The following KCNB2 variants were observed in gnomAD, a reference collection of about 807,000 sequenced individuals.
KCNB2 encodes delayed rectifier potassium channel protein.
Under a neutral mutation model 61.5 loss-of-function variants are expected in KCNB2, and 15 were observed. The ratio of observed to expected loss-of-function variants is 0.24; its 90% confidence interval spans 0.16 to 0.38. KCNB2 has a LOEUF of 0.38. Ranked by LOEUF, KCNB2 falls within the 10% of genes least tolerant of loss-of-function variation. The pLI is 1.00. For synonymous variants in KCNB2, 457 were observed against 446.0 expected (o/e 1.02, Z -0.31); for missense variants, 828 against 1,125.2 (o/e 0.74, Z 3.78).
chr8:72,732,213 A>G (rs1807756669), intron 2 of KCNB2: 1 of 152,212 alleles, frequency 6.6e-6, no homozygotes, highest in Admixed American at 6.5e-5. Context: ...ACAGTTGTCT[A>G]TTCAGAGGCA....
At chr8:72,897,925 C>T (rs1211128538) in intron 2 of KCNB2, among the ~76,000 whole-genome samples, 1 of 152,036 alleles carries the variant, frequency 6.6e-6, no homozygotes, top group Non-Finnish European at 1.5e-5. Flanking sequence ...TGTCACAGAC[C>T]CTCTTGGAGG....
intron 2 of KCNB2, among the ~76,000 whole-genome samples, chr8:72,639,965 G>A (rs1005514461): frequency 1.3e-5 from 2 of 151,712 alleles, no homozygotes; most frequent in African/African-American, 4.8e-5. Context: ...AGCAGAGAAG[G>A]GGGGACTGGG....
At chr8:72,773,647 T>C (rs538702505) in intron 2 of KCNB2, among the ~76,000 whole-genome samples, 2 of 152,344 alleles carry the variant, frequency 1.3e-5, no homozygotes, top group Admixed American at 6.5e-5. Context: ...CCCAAGCTGT[T>C]TTTGGCTGTA....
At chr8:72,669,393 C>G (rs1199129397) in intron 2 of KCNB2, among the ~76,000 whole-genome samples, 1 of 152,088 alleles carries the variant, frequency 6.6e-6, no homozygotes, top group Non-Finnish European at 1.5e-5. Context: ...ATATATTTAA[C>G]TAATGATGAC....
chr8:72,846,068 T>C (rs2129002968), intron 2 of KCNB2, among the ~76,000 whole-genome samples: 1 of 152,078 alleles, frequency 6.6e-6, no homozygotes, highest in African/African-American at 2.4e-5. Context: ...CCCAGGACCT[T>C]GGTGGTGTAG....
chr8:72,672,885 C>G (rs989510987), intron 2 of KCNB2, among the ~76,000 whole-genome samples: 1 of 152,078 alleles, frequency 6.6e-6, no homozygotes, highest in African/African-American at 2.4e-5. Context: ...TAAAAAGATC[C>G]AGAAAATAAC....
At chr8:72,834,927 C>A (rs1434287817) in intron 2 of KCNB2, among the ~76,000 whole-genome samples, 1 of 152,126 alleles carries the variant, frequency 6.6e-6, no homozygotes, top group African/African-American at 2.4e-5. Context: ...AATGATTTCT[C>A]CAAATAGTGC....
chr8:72,614,870 T>C (rs1388541095), intron 2 of KCNB2, among the ~76,000 whole-genome samples: 3 of 152,180 alleles, frequency 2.0e-5, no homozygotes, highest in Non-Finnish European at 4.4e-5. Context: ...AACCACACAA[T>C]GGCCCATGTG....
chr8:72,854,364 C>T (rs1423887343), intron 2 of KCNB2, among the ~76,000 whole-genome samples: 2 of 152,100 alleles, frequency 1.3e-5, no homozygotes, highest in East Asian at 3.9e-4. Flanking sequence ...TAAAATTTAG[C>T]TTTTGATGTT....
At chr8:72,574,607 T>TAGAAAAATC in intron 2 of KCNB2, among the ~76,000 whole-genome samples, 1 of 152,328 alleles carries the variant, frequency 6.6e-6, no homozygotes, top group Admixed American at 6.5e-5. Context: ...TCCATCTCTT[T>TAGAAAAATC]AGAAAAATCA....
intron 1 of KCNB2, among the ~76,000 whole-genome samples, chr8:72,539,014 T>G (rs1806154093): frequency 6.6e-6 from 1 of 152,206 alleles, no homozygotes; most frequent in African/African-American, 2.4e-5. Flanking sequence ...AGGGTAACAT[T>G]CTAAAGTTAC....
intron 2 of KCNB2, among the ~76,000 whole-genome samples, chr8:72,725,137 C>G (rs1406361138): frequency 5.3e-5 from 8 of 151,954 alleles, no homozygotes; most frequent in Non-Finnish European, 1.0e-4. Context: ...TAATTTTTCT[C>G]CCCCACCAGA....
chr8:72,567,661 T>A lies in KCNB2; in HGVS notation c.-74T>A. On this transcript the variant is annotated 5_prime_UTR_variant, in exon 2 of 3. Coordinates refer to ENST00000523207, the MANE Select transcript of KCNB2 (RefSeq NM_004770.3). The stretch of plus-strand genomic sequence containing the variant: ...TTCCAGCTTTGTCAGTGGAAATGCC[T>A]GCCCCAGAGGGATATTGCTTCAGTT... 2 of 984,186 alleles carry A rather than the reference T, an allele frequency of 2.0e-6. No homozygotes were observed. Among genetic ancestry groups the A allele is most frequent in the South Asian group, 1.8e-5 (1 of 54,590 alleles). The allele number at this position is 984,186 out of a possible 1,614,324, so 61.0% of individuals were successfully genotyped here. A position where few individuals can be genotyped will look rare whatever the true frequency, so the allele number is the denominator to read the frequency against.
chr8:72,778,611 T>C (rs2128997705), intron 2 of KCNB2, among the ~76,000 whole-genome samples: 1 of 150,716 alleles, frequency 6.6e-6, no homozygotes, highest in South Asian at 2.1e-4. Context: ...GGCATGCACC[T>C]ATAGTCCCAG....
At chr8:72,786,046 C>A (rs1313350253) in intron 2 of KCNB2, among the ~76,000 whole-genome samples, 2 of 145,668 alleles carry the variant, frequency 1.4e-5, no homozygotes, top group African/African-American at 5.0e-5. Context: ...GAGAAAAAAC[C>A]CAAAAACGAA....
At chr8:72,599,815 A>G (rs1162507753) in intron 2 of KCNB2, among the ~76,000 whole-genome samples, 1 of 152,236 alleles carries the variant, frequency 6.6e-6, no homozygotes, top group African/African-American at 2.4e-5. Flanking sequence ...TCAAAAGAAG[A>G]CATTTATGTA....
chr8:72,855,036 T>A (rs1339231691), intron 2 of KCNB2, among the ~76,000 whole-genome samples: 1 of 152,160 alleles, frequency 6.6e-6, no homozygotes, highest in Admixed American at 6.5e-5. Context: ...CCAACACCTT[T>A]CAGCACTATT....
chr8:72,603,362 C>A (rs1805389338), intron 2 of KCNB2, among the ~76,000 whole-genome samples: 1 of 152,310 alleles, frequency 6.6e-6, no homozygotes, highest in Admixed American at 6.5e-5. Context: ...TACTGTTTCC[C>A]AAATGCAACA....
chr8:72,719,385 A>G (rs1332041759), intron 2 of KCNB2, among the ~76,000 whole-genome samples: 2 of 152,170 alleles, frequency 1.3e-5, no homozygotes, highest in East Asian at 3.8e-4. Context: ...AACAAGCATA[A>G]AACAATCTAC....
Sources: allele counts gnomAD v4.1 joint callset (sites outside exome capture counted in the v4.1 genomes callset), GRCh38; gene constraint gnomAD v4.1.1; transcripts MANE v1.5; gene names NCBI Gene and HGNC (gene_info 2026-07-23, HGNC 2026-07-21).